Variants in ITGB7 observed in about 807,000 individuals in gnomAD.
The protein encoded by ITGB7 is integrin beta-7.
A neutral mutation model predicts 83.4 loss-of-function variants in ITGB7; 55 were observed. The observed-to-expected ratio is 0.66, with a 90% confidence interval of 0.53 to 0.83. The LOEUF (loss-of-function observed/expected upper bound fraction) is 0.83. ITGB7 is among the 40% of genes least tolerant of loss of function. The pLI is 0.00. For missense variants in ITGB7, 921 were observed against 1,046.7 expected, an observed-to-expected ratio of 0.88 and a Z score of 1.66; for synonymous variants, 454 against 423.6, an observed-to-expected ratio of 1.07 and a Z score of -0.88.
chr12:53,200,158 T>A (rs535112539), intron 3 of ITGB7, 85 bp downstream of exon 3: 2 of 1,189,690 alleles, frequency 1.7e-6, no homozygotes, highest in South Asian at 2.7e-5. Flanking sequence ...GCCCACACAA[T>A]CACACACATA....
intron 11 of ITGB7, 64 bp from the exon 12 acceptor site, chr12:53,193,427 C>T (rs1942039938): frequency 2.5e-6 from 3 of 1,223,754 alleles, no homozygotes; most frequent in South Asian, 3.2e-5. Flanking sequence ...ACTTGTCTCT[C>T]CCAGGAACCT....
intron 6 of ITGB7, 188 bp downstream of exon 6, chr12:53,196,391 G>A (rs768822417): frequency 9.8e-7 from 1 of 1,023,596 alleles, no homozygotes; most frequent in South Asian, 1.7e-5. Context: ...AGGCTTACTT[G>A]TGAATTCGAA....
chr12:53,206,300 T>C (rs1328681755), intron 1 of ITGB7, among the ~76,000 whole-genome samples: 2 of 152,190 alleles, frequency 1.3e-5, no homozygotes, highest in African/African-American at 4.8e-5. Context: ...TGTTCCTAAC[T>C]ATAGAATGGC....
intron 6 of ITGB7, 188 bp from the exon 7 acceptor site, chr12:53,196,387 A>T: frequency 1.0e-6 from 1 of 1,002,378 alleles, no homozygotes; most frequent in Non-Finnish European, 1.4e-6. Context: ...GTGGAGGCTT[A>T]CTTGTGAATT....
rs150469586 is a variant in ITGB7, at chr12:53,200,360, T to C, written c.84A>G (p.Thr28=). ...GATTCCGCCATTCTGTGGCATCCCC[T>C]GTGGATGGGATCTTGGCGTCCAATT... ...ESELDAKIPS[T]GDATEWRNPH... Residue 28 remains threonine (T), a synonymous_variant, in exon 3 of 16, where the codon ACA becomes ACG. Coordinates refer to ENST00000267082, the MANE Select transcript of ITGB7 (RefSeq NM_000889.3). The C allele has an allele frequency of 7.3e-5, 118 of 1,614,070 alleles. No homozygotes were observed. Among genetic ancestry groups the C allele is most frequent in the Non-Finnish European group, 9.7e-5 (115 of 1,180,038 alleles).
chr12:53,194,479 A>G (rs1337274238), intron 9 of ITGB7, 135 bp from the exon 10 acceptor site: 28 of 819,492 alleles, frequency 3.4e-5, no homozygotes, highest in Non-Finnish European at 5.2e-5. Flanking sequence ...CATTCTGCCC[A>G]GTCGAGGCAT....
rs752617039 is a variant in ITGB7, at chr12:53,197,730, C to T, written c.403+20G>A. 4 of 1,585,482 alleles carry T rather than the reference C, an allele frequency of 2.5e-6. No individual in the cohort carries two copies. The highest frequency in any genetic ancestry group is 1.8e-5 in the Admixed American group (1 of 56,128). On this transcript the variant is annotated intron_variant, in intron 4 of 15. Coordinates refer to ENST00000267082, the MANE Select transcript of ITGB7 (RefSeq NM_000889.3). ...ACGCCAGCCTAGACCTCTGGCCTGGCCCCGCCTCCCCTAACTCACCAGGCC... is the reference window on the plus strand; with the variant it reads ...ACGCCAGCCTAGACCTCTGGCCTGGTCCCGCCTCCCCTAACTCACCAGGCC...
intron 1 of ITGB7, among the ~76,000 whole-genome samples, chr12:53,202,362 TG>T (rs1942340662): frequency 2.0e-5 from 3 of 152,114 alleles, no homozygotes; most frequent in Non-Finnish European, 4.4e-5. Flanking sequence ...CTGTCTTTTT[TG>T]TTTTGTTTTG....
At chr12:53,194,006 G>T (rs999917943) in intron 10 of ITGB7, 105 bp from the exon 11 acceptor site, 117 of 1,331,692 alleles carry the variant, frequency 8.8e-5, no homozygotes, top group Admixed American at 2.6e-4. Flanking sequence ...GAAGGGATGG[G>T]GTCATGTTAA....
rs1313194009 is a variant in ITGB7, at chr12:53,197,798, C to T, written c.355G>A (p.Gly119Ser). 2 of 1,548,654 alleles carry T rather than the reference C, an allele frequency of 1.3e-6. No homozygotes were observed. The highest frequency in any genetic ancestry group is 1.9e-4 in the Middle Eastern group (1 of 5,294). The change falls in exon 4 of 16, where the codon GGT becomes AGT. Residue 119 changes from glycine to serine, a missense_variant. Gly to Ser is a moderately conservative substitution (Grantham distance 56). Coordinates refer to ENST00000267082, the MANE Select transcript of ITGB7 (RefSeq NM_000889.3). ...QPLSQGARGE[G>S]ATQLAPQRVR... ...CGCTGCGGCGCCAGCTGGGTGGCAC[C>T]CTCTCCGCGGGCGCCCTGGCTGAGC...
Position 53,197,807 on chromosome 12 carries a change from G to A in ITGB7, c.346C>T (p.Arg116Cys), listed in dbSNP as rs1250047256. The change falls in exon 4 of 16, where the codon CGC (arginine) becomes TGC (cysteine). Residue 116 changes from arginine (R) to cysteine (C), a missense_variant. Physicochemically the swap from Arg to Cys is radical, Grantham distance 180 (BLOSUM62 -3). Coordinates refer to ENST00000267082, the MANE Select transcript of ITGB7 (RefSeq NM_000889.3). ...LQDQPLSQGA[R>C]GEGATQLAPQ... The stretch of plus-strand genomic sequence containing the variant: ...GCCAGCTGGGTGGCACCCTCTCCGC[G>A]GGCGCCCTGGCTGAGCGGCTGGTCC... The A allele has an allele frequency of 6.5e-7, 1 of 1,541,422 alleles. No homozygotes were observed. Among genetic ancestry groups the A allele is most frequent in the South Asian group, 1.2e-5 (1 of 84,376 alleles).
chr12:53,193,539 CAG>C (rs528056873), intron 11 of ITGB7, 167 bp downstream of exon 11: 73 of 749,954 alleles, frequency 9.7e-5, no homozygotes, highest in African/African-American at 1.6e-4. Context: ...GAGCCCCAGT[CAG>C]GGGGAGGGCC....
At chr12:53,196,415 C>T (rs151115567) in intron 6 of ITGB7, 164 bp downstream of exon 6, 5 of 1,091,228 alleles carry the variant, frequency 4.6e-6, no homozygotes, top group Non-Finnish European at 6.5e-6. Flanking sequence ...CATGCCTCCT[C>T]CTCAAGATAT....
Position 53,191,435 on chromosome 12 carries a change from G to A in ITGB7, c.*121C>T. On this transcript the variant is annotated 3_prime_UTR_variant, in exon 16 of 16. Coordinates refer to ENST00000267082, the MANE Select transcript of ITGB7 (RefSeq NM_000889.3). Reference sequence around the variant, plus strand: ...CACTCTGAAAATGAAGTAGGGTGGTGGCCGCACCTCGCCAGTGAATTAGTC... The same window carrying A: ...CACTCTGAAAATGAAGTAGGGTGGTAGCCGCACCTCGCCAGTGAATTAGTC... 6.3e-6 allele frequency: 5 copies of A among 793,252 alleles called. No homozygotes were observed. Among genetic ancestry groups the A allele is most frequent in the South Asian group, 5.7e-5 (4 of 70,626 alleles). 49.1% of individuals were successfully genotyped at this position (793,252 alleles called of 1,614,324 possible).
rs773021658 is a variant in ITGB7 at position 53,192,373 on chromosome 12, A to G, written c.2112T>C (p.Asp704=). 1.2e-6 allele frequency: 2 copies of G among 1,614,044 alleles called. No homozygotes were observed. The highest frequency in any genetic ancestry group is 1.7e-5 in the Admixed American group (1 of 60,018). The change falls in exon 14 of 16, where the codon GAT becomes GAC. Residue 704 remains aspartate (D), a synonymous_variant. Coordinates refer to ENST00000267082, the MANE Select transcript of ITGB7 (RefSeq NM_000889.3). The stretch of plus-strand genomic sequence containing the variant: ...TGAGCACGACCGTGCCTCTGGCGTC[A>G]TCCTCCACCAAGAAGAAGAACAGCT... ...DNQLFFFLVE[D]DARGTVVLRV...
rs1941994487 is a variant in ITGB7, at chr12:53,192,553, C to G, written c.1947-15G>C. The G allele has an allele frequency of 6.2e-7, 1 of 1,612,428 alleles. No individual in the cohort carries two copies. Among genetic ancestry groups the G allele is most frequent in the Non-Finnish European group, 8.5e-7 (1 of 1,178,970 alleles). On this transcript the variant is annotated splice_polypyrimidine_tract_variant and intron_variant, in intron 13 of 15. Coordinates refer to ENST00000267082, the MANE Select transcript of ITGB7 (RefSeq NM_000889.3). Reference sequence around the variant, plus strand: ...CTGCACAGTCCCTGTGTAGTAGATGCCAATAGGTTACCAGCTGGGCAGTTG... The same window carrying G: ...CTGCACAGTCCCTGTGTAGTAGATGGCAATAGGTTACCAGCTGGGCAGTTG...
chr12:53,206,261 A>C (rs1942441171), intron 1 of ITGB7, among the ~76,000 whole-genome samples: 1 of 151,938 alleles, frequency 6.6e-6, no homozygotes, highest in African/African-American at 2.4e-5. Flanking sequence ...CCACTTCTTC[A>C]TAGGGCTATT....
rs1454331093 is a variant in ITGB7 at position 53,197,119 on chromosome 12, TAGAG to T, written c.575-303_575-300del. The T allele has an allele frequency of 5.6e-5, 30 of 538,472 alleles. No individual in the cohort carries two copies. In the African/African-American group the frequency reaches 5.7e-4, roughly 10 times the overall value. The allele number at this position is 538,472 out of a possible 1,614,324, so 33.4% of individuals were successfully genotyped here. On this transcript the variant is annotated intron_variant, in intron 5 of 15. Transcript: ENST00000267082. ...ATGAGGCAAAGGAAGGAAATTTGAA[TAGAG>T]GAGAGTTGGCACAGAATGTGGAGCC...
chr12:53,196,661 T>C lies in ITGB7; in HGVS notation c.734A>G (p.Glu245Gly), dbSNP rs1481044186. ...LTGDAQAFEREVGRQSVSGNL... is the reference protein window; with the variant it reads ...LTGDAQAFERGVGRQSVSGNL... ...GCCGGACACACTCTGGCGCCCCACC[T>C]CCCGCTCGAAGGCTTGTGCGTCCCC... Residue 245 changes from glutamate to glycine, a missense_variant, in exon 6 of 16, where the codon GAG becomes GGG. Glu to Gly is a moderately conservative substitution (Grantham distance 98). Transcript: ENST00000267082. 6.2e-7 allele frequency: 1 copy of C among 1,611,176 alleles called. No homozygotes were observed. Among genetic ancestry groups the C allele is most frequent in the African/African-American group, 1.3e-5 (1 of 74,776 alleles).
Sources: allele counts gnomAD v4.1 joint callset (sites outside exome capture counted in the v4.1 genomes callset), GRCh38; gene constraint gnomAD v4.1.1; transcripts MANE v1.5; gene names NCBI Gene and HGNC (gene_info 2026-07-23, HGNC 2026-07-21).